YLPM1: variants seen among roughly 807,000 people sequenced by gnomAD.
The protein encoded by YLPM1 is YLP motif containing 1.
In YLPM1, 99 loss-of-function variants were observed where a neutral mutation model predicts 230.0. That is an observed-to-expected ratio of 0.43 (90% confidence interval 0.37 to 0.51). The LOEUF (loss-of-function observed/expected upper bound fraction) is 0.51. Ranked by LOEUF, YLPM1 falls within the 20% of genes least tolerant of loss-of-function variation. YLPM1 has a pLI of 0.00. For missense variants in YLPM1, 2,592 were observed against 2,707.7 expected (o/e 0.96, Z 0.95); for synonymous variants, 984 against 942.5 (o/e 1.04, Z -0.81).
At position 74,778,663 on chromosome 14, in the gene YLPM1, C is replaced by G. The variant is rs749434341; in HGVS notation, c.1090C>G (p.Leu364Val). ...TCCAAATGAGGAAGTGCCACCTCCT[C>G]TCCCACCTGAGGAACCCCAGGTAAC... ...PPPNEEVPPP[L>V]PPEEPQSEDP... is the part of the protein sequence containing the mutation. Residue 364 changes from leucine to valine, a missense_variant, in exon 2 of 21, where the codon CTC becomes GTC. This residue lies in a region of YLPM1 where 1,862 missense variants were observed against 1,819.8 expected (regional missense o/e 1.02). Transcript: ENST00000325680. 1 of 1,574,778 alleles carries G rather than the reference C, an allele frequency of 6.4e-7. No individual in the cohort carries two copies. Among genetic ancestry groups the G allele is most frequent in the South Asian group, 1.2e-5 (1 of 85,462 alleles).
intron 18 of YLPM1, 64 bp from the exon 19 acceptor site, chr14:74,829,147 CTG>C (rs1027384085): frequency 5.0e-5 from 79 of 1,583,190 alleles, no homozygotes; most frequent in Middle Eastern, 1.8e-4. Flanking sequence ...TTCTTTTCCC[CTG>C]TGTGTGTGTC....
chr14:74,795,810 T>C (rs867663011), intron 4 of YLPM1, among the ~76,000 whole-genome samples: 2 of 152,238 alleles, frequency 1.3e-5, no homozygotes, highest in Non-Finnish European at 2.9e-5. Context: ...TTATCTGTTA[T>C]AATCGAGATC....
intron 1 of YLPM1, among the ~76,000 whole-genome samples, chr14:74,768,834 T>A (rs988791936): frequency 6.6e-6 from 1 of 151,946 alleles, no homozygotes; most frequent in Non-Finnish European, 1.5e-5. Context: ...CAGAGTGCTA[T>A]GGGATTATAA....
chr14:74,829,490 C>T (rs957863449), intron 19 of YLPM1, 147 bp downstream of exon 19: 3 of 1,156,340 alleles, frequency 2.6e-6, no homozygotes, highest in Admixed American at 2.7e-5. Context: ...AGGAGTCATA[C>T]CTTATAAATT....
At chr14:74,829,400 T>G (rs1363215659) in intron 19 of YLPM1, 57 bp downstream of exon 19, 2 of 1,604,628 alleles carry the variant, frequency 1.2e-6, no homozygotes, top group Admixed American at 1.7e-5. Flanking sequence ...GGCATCTGGT[T>G]TTAGGAAGTT....
intron 15 of YLPM1, among the ~76,000 whole-genome samples, 197 bp downstream of exon 15, chr14:74,817,474 A>G (rs549572033): frequency 2.0e-5 from 3 of 152,336 alleles, no homozygotes; most frequent in Admixed American, 6.5e-5. Context: ...GTACATTAAC[A>G]TGCTGTACAA....
At chr14:74,808,524 C>T (rs1193687818) in intron 6 of YLPM1, among the ~76,000 whole-genome samples, 3 of 151,916 alleles carry the variant, frequency 2.0e-5, no homozygotes, top group South Asian at 2.1e-4. Context: ...TATGTTTGGC[C>T]GGGTGCGGTG....
chr14:74,808,939 G>T (rs576768881), intron 6 of YLPM1, among the ~76,000 whole-genome samples: 2 of 151,750 alleles, frequency 1.3e-5, no homozygotes, highest in Admixed American at 6.6e-5. Flanking sequence ...ATTTGTTTTT[G>T]TCTGTCTTAT....
chr14:74,764,103 C>T lies in YLPM1; in HGVS notation c.614C>T (p.Pro205Leu). The change falls in exon 1 of 21, where the codon CCT (proline) becomes CTT (leucine). Residue 205 changes from proline (P) to leucine (L), a missense_variant. Coordinates refer to ENST00000325680, the MANE Select transcript of YLPM1 (RefSeq NM_019589.3). The stretch of plus-strand genomic sequence containing the variant: ...TCCCAATCCTACCTGGCGCCCACCC[C>T]TTCTTACTCATCCTCCTCCTCTTCC... ...PPSQSYLAPT[P>L]SYSSSSSSSQ... The T allele has an allele frequency of 6.2e-7, 1 of 1,613,552 alleles. No homozygotes were observed. The highest frequency in any genetic ancestry group is 8.5e-7 in the Non-Finnish European group (1 of 1,179,798).
intron 6 of YLPM1, 96 bp from the exon 7 acceptor site, chr14:74,809,284 T>G: frequency 6.8e-7 from 1 of 1,471,096 alleles, no homozygotes; most frequent in East Asian, 2.5e-5. Context: ...GGTGTTAACT[T>G]TTTTCTTATA....
At chr14:74,766,622 C>T (rs999808426) in intron 1 of YLPM1, among the ~76,000 whole-genome samples, 3 of 151,022 alleles carry the variant, frequency 2.0e-5, no homozygotes, top group Admixed American at 1.3e-4. Context: ...AGGTGCATGC[C>T]ACCATGCCTG....
chr14:74,773,720 T>C (rs1045106873), intron 1 of YLPM1, among the ~76,000 whole-genome samples: 3 of 135,194 alleles, frequency 2.2e-5, no homozygotes, highest in African/African-American at 5.6e-5. Context: ...TCTTTTTTTT[T>C]TTTTTTTTTT....
At position 74,768,736 on chromosome 14, in the gene YLPM1, A is replaced by G. The variant is rs1159043117; in HGVS notation, c.873+4374A>G. 2.0e-5 allele frequency among the ~76,000 whole-genome samples: 3 copies of G among 152,200 alleles called. 1 individual carries two copies. Among genetic ancestry groups the G allele is most frequent in the Non-Finnish European group, 4.4e-5 (3 of 68,032 alleles). ...TACTGGAGATGAAATGGTTAACAAG[A>G]TAGACATGGGACCTGCCCTCATTGA... On this transcript the variant is annotated intron_variant, in intron 1 of 20. Coordinates refer to ENST00000325680, the MANE Select transcript of YLPM1 (RefSeq NM_019589.3).
At chr14:74,803,197 A>G (rs1790392632) in intron 6 of YLPM1, among the ~76,000 whole-genome samples, 1 of 152,112 alleles carries the variant, frequency 6.6e-6, no homozygotes, top group South Asian at 2.1e-4. Flanking sequence ...AGATGGGGAA[A>G]TGTCATACCC....
chr14:74,821,561 A>G (rs1220364157), intron 17 of YLPM1: 1 of 152,798 alleles, frequency 6.5e-6, no homozygotes, highest in Non-Finnish European at 1.5e-5. Context: ...AACTTATTGA[A>G]TGGGGAGGCA....
In YLPM1 at chr14:74,813,401, G is replaced by A. The variant is rs377443719; in HGVS notation, c.5502+619G>A. ...TTTAATGTAAAGTGTGTCTCCTGTA[G>A]TATGCCTATGGTTGGATCTTTTTTT... On this transcript the variant is annotated intron_variant, in intron 11 of 20. Coordinates refer to ENST00000325680, the MANE Select transcript of YLPM1 (RefSeq NM_019589.3). 3.3e-5 allele frequency among the ~76,000 whole-genome samples: 5 copies of A among 151,264 alleles called. 1 individual carries two copies. The highest frequency in any genetic ancestry group is 1.2e-4 in the African/African-American group (5 of 41,304).
intron 17 of YLPM1, among the ~76,000 whole-genome samples, chr14:74,823,575 A>G (rs531708970): frequency 6.6e-6 from 1 of 152,262 alleles, no homozygotes; most frequent in East Asian, 1.9e-4. Context: ...CTGGTTTTTC[A>G]TGTAAGAGGA....
intron 4 of YLPM1, among the ~76,000 whole-genome samples, chr14:74,787,206 C>T (rs1445521977): frequency 6.6e-6 from 1 of 152,014 alleles, no homozygotes; most frequent in South Asian, 2.1e-4. Context: ...AGTTTTTTAT[C>T]CATTATATGT....
chr14:74,786,075 A>G (rs888532499), intron 4 of YLPM1, among the ~76,000 whole-genome samples: 1 of 152,128 alleles, frequency 6.6e-6, no homozygotes, highest in African/African-American at 2.4e-5. Context: ...ATAAAGACAC[A>G]CATTGGCCAG....
Sources: allele counts gnomAD v4.1 joint callset (sites outside exome capture counted in the v4.1 genomes callset), GRCh38; gene constraint gnomAD v4.1.1; regional missense constraint gnomAD v4.1.1; transcripts MANE v1.5; gene names NCBI Gene and HGNC (gene_info 2026-07-23, HGNC 2026-07-21).